Variants in ARB2A observed in about 807,000 individuals in gnomAD.
ARB2A encodes cotranscriptional regulator ARB2A.
At chr5:93,949,287 A>G in the ARB2A span, among the ~76,000 whole-genome samples, 3 of 151,962 alleles carry the variant, frequency 2.0e-5, no homozygotes, top group African/African-American at 4.8e-5. Context: ...CGATGTAATT[A>G]TTACTTATTG....
At chr5:93,904,870 T>C in the ARB2A span, among the ~76,000 whole-genome samples, 1 of 151,646 alleles carries the variant, frequency 6.6e-6, no homozygotes, top group African/African-American at 2.4e-5. Context: ...ATTACACCCT[T>C]GACAAAATTT....
chr5:93,782,727 C>G, the ARB2A span, among the ~76,000 whole-genome samples: 1 of 152,058 alleles, frequency 6.6e-6, no homozygotes, highest in Non-Finnish European at 1.5e-5. Flanking sequence ...TTATAGTTTA[C>G]AGATGAGAAA....
the ARB2A span, among the ~76,000 whole-genome samples, chr5:93,833,642 A>G: frequency 6.6e-6 from 1 of 152,188 alleles, no homozygotes; most frequent in African/African-American, 2.4e-5. Flanking sequence ...GATGGTTGGA[A>G]TATGAGTAGT....
At chr5:94,089,861 T>G in the ARB2A span, among the ~76,000 whole-genome samples, 1 of 152,216 alleles carries the variant, frequency 6.6e-6, no homozygotes, top group African/African-American at 2.4e-5. Flanking sequence ...TGGAAAGTTC[T>G]GAAATAATTC....
At chr5:93,770,085 T>C in the ARB2A span, among the ~76,000 whole-genome samples, 2 of 152,136 alleles carry the variant, frequency 1.3e-5, no homozygotes, top group Admixed American at 6.5e-5. Flanking sequence ...CAATGAGCAT[T>C]TTAGTGCATC....
At chr5:93,652,894 A>G in the ARB2A span, among the ~76,000 whole-genome samples, 1 of 152,220 alleles carries the variant, frequency 6.6e-6, no homozygotes, top group Non-Finnish European at 1.5e-5. Flanking sequence ...CTAGAGTTGT[A>G]GCAGGTGGAA....
chr5:93,745,953 T>A, the ARB2A span, among the ~76,000 whole-genome samples: 1 of 152,106 alleles, frequency 6.6e-6, no homozygotes, highest in East Asian at 1.9e-4. Context: ...GACTAGATAC[T>A]GGGAACACCC....
At chr5:93,709,973 C>T in the ARB2A span, among the ~76,000 whole-genome samples, 3 of 152,090 alleles carry the variant, frequency 2.0e-5, no homozygotes, top group African/African-American at 7.2e-5. Context: ...TATACCAGGG[C>T]CTAGTTAATA....
At chr5:94,015,439 C>T in the ARB2A span, among the ~76,000 whole-genome samples, 1 of 151,726 alleles carries the variant, frequency 6.6e-6, no homozygotes, top group Non-Finnish European at 1.5e-5. Context: ...AACTAATGTG[C>T]AAAAAGAAAA....
chr5:93,628,276 CTT>C, the ARB2A span, among the ~76,000 whole-genome samples: 87 of 152,090 alleles, frequency 5.7e-4, no homozygotes, highest in African/African-American at 2.0e-3. Context: ...GTCTCGATCT[CTT>C]GACTTCATGA....
chr5:93,959,035 A>G, the ARB2A span: 2 of 1,043,378 alleles, frequency 1.9e-6, no homozygotes. Flanking sequence ...AAATGAAAAA[A>G]CAACTAATGG....
the ARB2A span, among the ~76,000 whole-genome samples, chr5:93,897,232 A>T: frequency 3.5e-4 from 54 of 152,146 alleles, no homozygotes; most frequent in Non-Finnish European, 4.3e-4. Context: ...TTTGTGACCC[A>T]GAGCTTACTC....
At chr5:94,095,947 G>A in the ARB2A span, among the ~76,000 whole-genome samples, 1 of 151,998 alleles carries the variant, frequency 6.6e-6, no homozygotes, top group Non-Finnish European at 1.5e-5. Flanking sequence ...TCCCCGTTCA[G>A]CCAATCCCTA....
At chr5:93,896,066 A>G in the ARB2A span, among the ~76,000 whole-genome samples, 1 of 152,112 alleles carries the variant, frequency 6.6e-6, no homozygotes, top group Non-Finnish European at 1.5e-5. Context: ...ATACTTCAAG[A>G]ATAAGCCATA....
the ARB2A span, among the ~76,000 whole-genome samples, chr5:94,082,730 T>C: frequency 6.6e-6 from 1 of 152,092 alleles, no homozygotes; most frequent in East Asian, 1.9e-4. Flanking sequence ...AATTTCCCAA[T>C]TCTTTATGAA....
chr5:94,089,654 C>T, the ARB2A span, among the ~76,000 whole-genome samples: 1 of 144,906 alleles, frequency 6.9e-6, no homozygotes, highest in Non-Finnish European at 1.5e-5. Flanking sequence ...GCAGAGGGAT[C>T]CCAGAGTAAG....
At chr5:93,899,572 T>A in the ARB2A span, among the ~76,000 whole-genome samples, 4 of 152,098 alleles carry the variant, frequency 2.6e-5, no homozygotes, top group Non-Finnish European at 4.4e-5. Context: ...TGGCAAAAAG[T>A]GAAGGACATA....
chr5:94,002,386 G>A, the ARB2A span, among the ~76,000 whole-genome samples: 1 of 152,062 alleles, frequency 6.6e-6, no homozygotes, highest in African/African-American at 2.4e-5. Context: ...GGTCCCTCTG[G>A]AGTTTTTAAC....
chr5:93,774,058 G>A, the ARB2A span, among the ~76,000 whole-genome samples: 5 of 152,196 alleles, frequency 3.3e-5, no homozygotes, highest in Non-Finnish European at 5.9e-5. Flanking sequence ...TTACAGGTAT[G>A]AGCCACCATA....
Sources: gnomAD v4.1 joint callset for allele counts (sites outside exome capture counted in the v4.1 genomes callset) on GRCh38, gnomAD v4.1.1 for gene constraint, MANE v1.5 for transcripts, NCBI Gene and HGNC (gene_info 2026-07-23, HGNC 2026-07-21) for gene names.